The following HS3ST4 variants were observed in gnomAD, a reference collection of about 807,000 sequenced individuals.
HS3ST4 encodes the protein heparan sulfate-glucosamine 3-sulfotransferase 4, also known as heparan sulfate glucosamine 3-O-sulfotransferase 4.
In HS3ST4, 17 loss-of-function variants were observed where a neutral mutation model predicts 29.2. That is an observed-to-expected ratio of 0.58 (90% CI 0.40 to 0.87). The LOEUF is 0.87. HS3ST4 is among the 40% of genes least tolerant of loss of function. HS3ST4 has a pLI of 0.00. For synonymous variants in HS3ST4, 314 were observed against 285.7 expected, an observed-to-expected ratio of 1.10 and a Z score of -1.00; for missense variants, 627 against 634.5, an observed-to-expected ratio of 0.99 and a Z score of 0.13.
At chr16:25,802,422 A>G (rs1009849927) in intron 1 of HS3ST4, among the ~76,000 whole-genome samples, 1 of 152,056 alleles carries the variant, frequency 6.6e-6, no homozygotes, top group Non-Finnish European at 1.5e-5. Flanking sequence ...TTTTTATTAT[A>G]TTCTGTTGAT....
At chr16:25,892,559 G>A (rs1340083249) in intron 1 of HS3ST4, among the ~76,000 whole-genome samples, 1 of 152,166 alleles carries the variant, frequency 6.6e-6, no homozygotes, top group Non-Finnish European at 1.5e-5. Context: ...GAGCTCACAA[G>A]ATTGGGCTCC....
chr16:25,700,278 A>C (rs532542927), intron 1 of HS3ST4, among the ~76,000 whole-genome samples: 25 of 152,274 alleles, frequency 1.6e-4, no homozygotes, highest in East Asian at 1.2e-3. Flanking sequence ...GGCTCTGTGG[A>C]CTTCCATGCT....
chr16:26,010,460 A>C (rs1969300020), intron 1 of HS3ST4, among the ~76,000 whole-genome samples: 1 of 151,420 alleles, frequency 6.6e-6, no homozygotes, highest in Non-Finnish European at 1.5e-5. Context: ...TCTCAAAAAA[A>C]GAAAAAAAAG....
At chr16:25,736,220 C>A (rs542125641) in intron 1 of HS3ST4, among the ~76,000 whole-genome samples, 1 of 152,158 alleles carries the variant, frequency 6.6e-6, no homozygotes, top group East Asian at 1.9e-4. Context: ...GCATTCATAA[C>A]GACGTTGGAA....
intron 1 of HS3ST4, among the ~76,000 whole-genome samples, chr16:25,909,368 T>G (rs1211138390): frequency 6.6e-6 from 1 of 152,100 alleles, no homozygotes; most frequent in African/African-American, 2.4e-5. Flanking sequence ...TTTATATTTT[T>G]TGTGGACACA....
intron 1 of HS3ST4, among the ~76,000 whole-genome samples, chr16:25,934,111 A>G (rs1448144432): frequency 6.6e-6 from 1 of 152,162 alleles, no homozygotes. Context: ...CTTCTCAGGC[A>G]GATATGTTTT....
At chr16:25,863,829 G>A (rs368774697) in intron 1 of HS3ST4, among the ~76,000 whole-genome samples, 47 of 152,356 alleles carry the variant, frequency 3.1e-4, no homozygotes, top group African/African-American at 1.0e-3. Flanking sequence ...GTGTTTGGGT[G>A]GCTGCTTAGT....
chr16:25,943,405 A>G (rs537611087), intron 1 of HS3ST4, among the ~76,000 whole-genome samples: 2 of 152,310 alleles, frequency 1.3e-5, no homozygotes, highest in African/African-American at 2.4e-5. Context: ...CTTAACCACT[A>G]TGTAAAAGAC....
chr16:26,040,893 A>G (rs1258578716), intron 1 of HS3ST4, among the ~76,000 whole-genome samples: 1 of 152,016 alleles, frequency 6.6e-6, no homozygotes, highest in African/African-American at 2.4e-5. Context: ...CATGGTCACT[A>G]TTGATATCTC....
At chr16:25,774,725 C>A (rs764453239) in intron 1 of HS3ST4, among the ~76,000 whole-genome samples, 6 of 152,218 alleles carry the variant, frequency 3.9e-5, no homozygotes, top group Non-Finnish European at 8.8e-5. Flanking sequence ...TGTAAGTATT[C>A]ATTTTGATTA....
At chr16:25,963,263 C>CT (rs554551176) in intron 1 of HS3ST4, among the ~76,000 whole-genome samples, 2 of 151,706 alleles carry the variant, frequency 1.3e-5, no homozygotes, top group African/African-American at 2.4e-5. Context: ...CCACATCTGT[C>CT]TTTTTTTTTC....
At chr16:25,979,935 T>C (rs1968987336) in intron 1 of HS3ST4, among the ~76,000 whole-genome samples, 1 of 152,180 alleles carries the variant, frequency 6.6e-6, no homozygotes, top group Non-Finnish European at 1.5e-5. Context: ...CTTCACCCTT[T>C]GTCCATGCCT....
chr16:26,114,298 C>A (rs1026866486), intron 1 of HS3ST4, among the ~76,000 whole-genome samples: 5 of 152,148 alleles, frequency 3.3e-5, no homozygotes, highest in Admixed American at 6.5e-5. Flanking sequence ...TCTCATATTT[C>A]TGCTCAGTTG....
intron 1 of HS3ST4, among the ~76,000 whole-genome samples, chr16:25,831,084 G>C (rs202169513): frequency 7.9e-5 from 12 of 152,090 alleles, no homozygotes; most frequent in Non-Finnish European, 1.5e-5. Context: ...GCTGTGGCTT[G>C]AATGCCTTCC....
At chr16:26,066,532 C>G (rs1898544265) in intron 1 of HS3ST4, among the ~76,000 whole-genome samples, 1 of 152,160 alleles carries the variant, frequency 6.6e-6, no homozygotes, top group Non-Finnish European at 1.5e-5. Context: ...CTTTCCTTCT[C>G]TCCCTCTCTT....
At chr16:25,942,215 G>T (rs8053465) in intron 1 of HS3ST4, among the ~76,000 whole-genome samples, 7,009 of 152,074 alleles carry the variant, frequency 0.046, 237 homozygotes, top group Non-Finnish European at 0.069. Context: ...CTGGAGACTG[G>T]GGGGAGGAGA....
intron 1 of HS3ST4, among the ~76,000 whole-genome samples, chr16:25,931,761 A>C (rs1324331829): frequency 6.6e-6 from 1 of 152,190 alleles, no homozygotes; most frequent in East Asian, 1.9e-4. Flanking sequence ...GAATTCGTTT[A>C]AGTCCTTTGG....
At chr16:25,721,069 C>T (rs1966489584) in intron 1 of HS3ST4, among the ~76,000 whole-genome samples, 1 of 152,092 alleles carries the variant, frequency 6.6e-6, no homozygotes. Context: ...CCACAGTGAC[C>T]CAAAGGAAGT....
chr16:26,044,604 A>G (rs1898243634), intron 1 of HS3ST4, among the ~76,000 whole-genome samples: 1 of 152,070 alleles, frequency 6.6e-6, no homozygotes. Context: ...ATCTCTTGTT[A>G]ATTACATGGT....
Sources: gnomAD v4.1 joint callset for allele counts (sites outside exome capture counted in the v4.1 genomes callset) on GRCh38, gnomAD v4.1.1 for gene constraint, MANE v1.5 for transcripts, NCBI Gene and HGNC (gene_info 2026-07-23, HGNC 2026-07-21) for gene names.